Variants in ADAMTS12 observed in about 807,000 individuals in gnomAD.
The protein encoded by ADAMTS12 is A disintegrin and metalloproteinase with thrombospondin motifs 12.
A neutral mutation model predicts 167.8 loss-of-function variants in ADAMTS12; 118 were observed. The ratio of observed to expected loss-of-function variants is 0.70; its 90% CI spans 0.61 to 0.82. The LOEUF is 0.82. Among genes scored for constraint, ADAMTS12 ranks in the 40% least tolerant of loss-of-function variants. ADAMTS12 has a pLI of 0.00. For missense variants in ADAMTS12, 1,916 were observed against 1,998.8 expected (o/e 0.96, Z 0.79); for synonymous variants, 704 against 716.9 (o/e 0.98, Z 0.29).
At chr5:33,591,771 G>T (rs1747649660) in intron 17 of ADAMTS12, among the ~76,000 whole-genome samples, 1 of 152,172 alleles carries the variant, frequency 6.6e-6, no homozygotes, top group African/African-American at 2.4e-5. Flanking sequence ...CTCCCCAGGG[G>T]ACATTTGGGA....
intron 2 of ADAMTS12, among the ~76,000 whole-genome samples, chr5:33,867,686 A>G (rs897323957): frequency 5.3e-5 from 8 of 152,172 alleles, no homozygotes; most frequent in Non-Finnish European, 1.2e-4. Context: ...AAATTATGCA[A>G]TGTTGGGTGT....
chr5:33,554,087 A>C (rs184012018), intron 20 of ADAMTS12, among the ~76,000 whole-genome samples: 1 of 152,374 alleles, frequency 6.6e-6, no homozygotes, highest in East Asian at 1.9e-4. Context: ...CAATCTAGTG[A>C]GGACACAAAG....
intron 3 of ADAMTS12, among the ~76,000 whole-genome samples, chr5:33,740,206 T>C (rs1483244872): frequency 6.6e-6 from 1 of 152,202 alleles, no homozygotes; most frequent in Non-Finnish European, 1.5e-5. Context: ...AATATAAAAC[T>C]CATTTGACTG....
intron 2 of ADAMTS12, among the ~76,000 whole-genome samples, chr5:33,833,592 T>C (rs1156275477): frequency 6.9e-6 from 1 of 145,476 alleles, no homozygotes; most frequent in South Asian, 2.2e-4. Context: ...TTTGACTGTA[T>C]CTGTTAGAAA....
At chr5:33,651,338 A>G (rs1393747365) in intron 7 of ADAMTS12, among the ~76,000 whole-genome samples, 1 of 152,202 alleles carries the variant, frequency 6.6e-6, no homozygotes, top group Non-Finnish European at 1.5e-5. Flanking sequence ...TCACAAATGG[A>G]TTTTTAAGTT....
intron 2 of ADAMTS12, among the ~76,000 whole-genome samples, chr5:33,838,803 T>A (rs1200005478): frequency 6.0e-5 from 9 of 150,744 alleles, no homozygotes; most frequent in Non-Finnish European, 3.0e-5. Flanking sequence ...CTGAAGTGAG[T>A]AGGAAGAAAA....
rs1223502645 is a variant in ADAMTS12 at position 33,876,875 on chromosome 5, A to C, written c.489+4244T>G. 5.9e-5 allele frequency among the ~76,000 whole-genome samples: 9 copies of C among 152,246 alleles called. No individual in the cohort carries two copies. The East Asian group carries it at 1.7e-3, about 29-fold the overall frequency. ...GGAAACTGGGTAGAGGGTACATACTAATACCTCTCTGAATTAGTTCTTACA... is the reference window on the plus strand; with the variant it reads ...GGAAACTGGGTAGAGGGTACATACTCATACCTCTCTGAATTAGTTCTTACA... On this transcript the variant is annotated intron_variant, in intron 2 of 23. Transcript: ENST00000504830.
At position 33,733,833 on chromosome 5, in the gene ADAMTS12, C is replaced by T. The variant is rs534855172; in HGVS notation, c.634+17571G>A. On this transcript the variant is annotated intron_variant, in intron 3 of 23. Transcript: ENST00000504830. ...CAGAGATCAGTACTTAACATGCATG[C>T]ATCATCTCCAATTCACACAGACACA... Among the ~76,000 whole-genome samples, 158 of 152,280 alleles carry T rather than the reference C, an allele frequency of 1.0e-3. 1 individual carries two copies. The highest frequency in any genetic ancestry group is 3.4e-3 in the African/African-American group (142 of 41,554).
In ADAMTS12 at chr5:33,614,116, C is replaced by T. The variant is rs1738865264; in HGVS notation, c.2527+122G>A. ...GTTCACTGTCCGCAGAGGCCCCTGG[C>T]CATCTCAGTGGAGCCCTGCAGATCC... On this transcript the variant is annotated intron_variant, in intron 16 of 23. Transcript: ENST00000504830. The T allele has an allele frequency of 1.9e-5, 26 of 1,348,906 alleles. No individual in the cohort carries two copies. In the South Asian group the frequency reaches 3.8e-4, roughly 20 times the overall value. The allele number at this position is 1,348,906 out of a possible 1,614,324, so 83.6% of individuals were successfully genotyped here.
At position 33,616,080 on chromosome 5, in the gene ADAMTS12, G is replaced by A. The variant is rs563500697; in HGVS notation, c.2144-8C>T. 3.1e-6 allele frequency: 5 copies of A among 1,612,984 alleles called. No homozygotes were observed. In the African/African-American group the frequency reaches 5.3e-5, roughly 17 times the overall value. On this transcript the variant is annotated splice_polypyrimidine_tract_variant and splice_region_variant and intron_variant, in intron 14 of 23. Transcript: ENST00000504830. Reference sequence around the variant, plus strand: ...GCCCAATGTCAACATAACCTAAAGAGAGAAGACACAATCATGAAAGAGGCA... The same window carrying A: ...GCCCAATGTCAACATAACCTAAAGAAAGAAGACACAATCATGAAAGAGGCA...
At chr5:33,612,406 A>G (rs888239398) in intron 16 of ADAMTS12, among the ~76,000 whole-genome samples, 7 of 152,174 alleles carry the variant, frequency 4.6e-5, no homozygotes, top group African/African-American at 1.7e-4. Flanking sequence ...TTATCTCTTG[A>G]TTCCTGATGT....
chr5:33,589,187 G>T (rs952429423), intron 17 of ADAMTS12, among the ~76,000 whole-genome samples: 17 of 152,158 alleles, frequency 1.1e-4, no homozygotes, highest in African/African-American at 4.1e-4. Flanking sequence ...TGAGTGTTGT[G>T]TTGTACATGA....
intron 2 of ADAMTS12, among the ~76,000 whole-genome samples, chr5:33,792,287 T>C (rs1229743254): frequency 3.3e-5 from 5 of 152,180 alleles, no homozygotes; most frequent in Admixed American, 6.5e-5. Flanking sequence ...TAAGCCACCA[T>C]GCCCAGCCTG....
chr5:33,621,860 A>G (rs980075462), intron 14 of ADAMTS12, among the ~76,000 whole-genome samples: 3 of 152,232 alleles, frequency 2.0e-5, no homozygotes, highest in African/African-American at 7.2e-5. Context: ...AGAAATATAT[A>G]AAAATAACAG....
At chr5:33,735,963 G>C (rs957033704) in intron 3 of ADAMTS12, among the ~76,000 whole-genome samples, 1 of 152,004 alleles carries the variant, frequency 6.6e-6, no homozygotes, top group Non-Finnish European at 1.5e-5. Flanking sequence ...ACAACATTTA[G>C]TGTTGTTTTC....
intron 2 of ADAMTS12, among the ~76,000 whole-genome samples, chr5:33,793,129 A>G (rs1361558119): frequency 1.3e-5 from 2 of 152,216 alleles, no homozygotes; most frequent in African/African-American, 4.8e-5. Context: ...CTCTTCCTCA[A>G]TTACGGCTAT....
rs549660762 is a variant in ADAMTS12 at position 33,652,264 on chromosome 5, C to T, written c.1191-2567G>A. Among the ~76,000 whole-genome samples the T allele has an allele frequency of 2.0e-5, 3 of 152,220 alleles. No homozygotes were observed. The South Asian group carries it at 6.2e-4, about 32-fold the overall frequency. ...AACCACAGTGGTGTATAAGCATTCT[C>T]TTTTCTCCACATCCTTGCCAATAGC... On this transcript the variant is annotated intron_variant, in intron 7 of 23. Coordinates refer to ENST00000504830, the MANE Select transcript of ADAMTS12 (RefSeq NM_030955.4).
chr5:33,872,837 G>GA (rs930888571), intron 2 of ADAMTS12, among the ~76,000 whole-genome samples: 6 of 152,026 alleles, frequency 3.9e-5, no homozygotes, highest in East Asian at 1.9e-4. Context: ...ACAGGCTAAA[G>GA]AAAAAAATTA....
chr5:33,687,247 C>T (rs2112269660), intron 3 of ADAMTS12, among the ~76,000 whole-genome samples: 1 of 152,106 alleles, frequency 6.6e-6, no homozygotes, highest in African/African-American at 2.4e-5. Flanking sequence ...TCAACAAAAC[C>T]TACATTAAGC....
Sources: allele counts gnomAD v4.1 joint callset (sites outside exome capture counted in the v4.1 genomes callset), GRCh38; gene constraint gnomAD v4.1.1; transcripts MANE v1.5; gene names NCBI Gene and HGNC (gene_info 2026-07-23, HGNC 2026-07-21).